MDGA2: variants seen among roughly 807,000 people sequenced by gnomAD.
MDGA2 encodes the protein MAM domain-containing glycosylphosphatidylinositol anchor protein 2.
MDGA2 carries 40 observed loss-of-function variants against 117.8 expected under a neutral mutation model. That is an observed-to-expected ratio of 0.34 (90% CI 0.26 to 0.44). MDGA2 has a LOEUF of 0.44. Ranked by LOEUF, MDGA2 falls within the 20% of genes least tolerant of loss-of-function variation. The probability of loss-of-function intolerance (pLI) is 1.00; values close to 1 mark genes in which losing one functional copy is unlikely to be tolerated. For synonymous variants in MDGA2, 452 were observed against 439.0 expected (o/e 1.03, Z -0.37); for missense variants, 1,123 against 1,250.6 (o/e 0.90, Z 1.54).
At chr14:47,011,877 AT>A (rs1594524768) in intron 8 of MDGA2, among the ~76,000 whole-genome samples, 1 of 152,014 alleles carries the variant, frequency 6.6e-6, no homozygotes, top group Non-Finnish European at 1.5e-5. Context: ...AATCGTATAC[AT>A]TTTTTCTCAG....
intron 8 of MDGA2, among the ~76,000 whole-genome samples, chr14:47,030,730 T>C (rs1007932398): frequency 6.6e-6 from 1 of 152,278 alleles, no homozygotes; most frequent in African/African-American, 2.4e-5. Context: ...ATGGACAAAA[T>C]TTTTTAATGT....
At chr14:47,623,479 A>T (rs1897086360) in intron 1 of MDGA2, among the ~76,000 whole-genome samples, 1 of 152,202 alleles carries the variant, frequency 6.6e-6, no homozygotes, top group Admixed American at 6.5e-5. Context: ...TATCTAATGC[A>T]GTACTGTCAG....
intron 1 of MDGA2, among the ~76,000 whole-genome samples, chr14:47,317,033 T>G (rs762371917): frequency 6.6e-6 from 1 of 152,124 alleles, no homozygotes; most frequent in Non-Finnish European, 1.5e-5. Flanking sequence ...TACCAGTACC[T>G]TAAAGTGGTG....
At chr14:47,595,161 T>C (rs1181442606) in intron 1 of MDGA2, among the ~76,000 whole-genome samples, 1 of 152,060 alleles carries the variant, frequency 6.6e-6, no homozygotes, top group Admixed American at 6.6e-5. Flanking sequence ...CTGTTGTATT[T>C]GGACATGGCA....
chr14:47,564,198 T>C (rs905363549), intron 1 of MDGA2, among the ~76,000 whole-genome samples: 23 of 152,210 alleles, frequency 1.5e-4, no homozygotes, highest in African/African-American at 5.5e-4. Flanking sequence ...TTTCTTTCAC[T>C]TTGACCTTGG....
At chr14:47,042,772 T>C (rs977950948) in intron 7 of MDGA2, among the ~76,000 whole-genome samples, 3 of 152,140 alleles carry the variant, frequency 2.0e-5, no homozygotes, top group Non-Finnish European at 2.9e-5. Flanking sequence ...GTATGCTTGT[T>C]GTAACTCCAC....
chr14:47,579,461 T>C (rs1896186803), intron 1 of MDGA2, among the ~76,000 whole-genome samples: 1 of 152,100 alleles, frequency 6.6e-6, no homozygotes, highest in Admixed American at 6.6e-5. Context: ...ATCTTCCCTT[T>C]TAATTGTATT....
chr14:47,158,361 TG>T (rs1555358936), intron 3 of MDGA2, among the ~76,000 whole-genome samples: 1 of 119,404 alleles, frequency 8.4e-6, no homozygotes, highest in Non-Finnish European at 1.8e-5. Context: ...ATCCCTGGGG[TG>T]GGTGTGTGTG....
intron 9 of MDGA2, among the ~76,000 whole-genome samples, chr14:46,927,082 C>T (rs1325373622): frequency 1.3e-5 from 2 of 152,084 alleles, no homozygotes; most frequent in African/African-American, 4.8e-5. Flanking sequence ...ATTTCATTAC[C>T]TCTTGAGATT....
At chr14:47,466,693 T>C (rs1000644929) in intron 1 of MDGA2, among the ~76,000 whole-genome samples, 1 of 152,114 alleles carries the variant, frequency 6.6e-6, no homozygotes, top group East Asian at 1.9e-4. Flanking sequence ...TATTTCAAAG[T>C]GAAGTCTACA....
intron 10 of MDGA2, among the ~76,000 whole-genome samples, chr14:46,900,327 TACTAC>T (rs1396366105): frequency 6.6e-6 from 1 of 152,138 alleles, no homozygotes; most frequent in Non-Finnish European, 1.5e-5. Context: ...AAGATGGACT[TACTAC>T]ACCACTCAGC....
chr14:47,109,112 G>C (rs1880898479), intron 5 of MDGA2, among the ~76,000 whole-genome samples: 1 of 152,138 alleles, frequency 6.6e-6, no homozygotes, highest in Non-Finnish European at 1.5e-5. Context: ...CCCATAGAGA[G>C]AAAAATCCAA....
At chr14:46,941,371 T>C (rs12894413) in intron 9 of MDGA2, among the ~76,000 whole-genome samples, 36,153 of 152,104 alleles carry the variant, frequency 0.24, 5,113 homozygotes, top group Non-Finnish European at 0.31. Flanking sequence ...TTTCTCAACT[T>C]AGAGCCCTGT....
At chr14:47,558,367 G>C (rs926572787) in intron 1 of MDGA2, among the ~76,000 whole-genome samples, 1 of 152,130 alleles carries the variant, frequency 6.6e-6, no homozygotes, top group Non-Finnish European at 1.5e-5. Context: ...TTTTAACCCA[G>C]CATCTGGAGG....
chr14:47,463,394 C>A (rs975808445), intron 1 of MDGA2, among the ~76,000 whole-genome samples: 1 of 151,942 alleles, frequency 6.6e-6, no homozygotes, highest in South Asian at 2.1e-4. Context: ...TGAGGGGTCA[C>A]AGACATACAA....
At position 47,506,209 on chromosome 14, in the gene MDGA2, G is replaced by A. The variant is rs560688412; in HGVS notation, c.280+168308C>T. ...GGATGTCAGAGAAGACATCCAAATGGGCTAACCAGTTTGAGCAAAGGCGCA... is the reference window on the plus strand; with the variant it reads ...GGATGTCAGAGAAGACATCCAAATGAGCTAACCAGTTTGAGCAAAGGCGCA... On this transcript the variant is annotated intron_variant, in intron 1 of 16. Coordinates refer to ENST00000399232, the MANE Select transcript of MDGA2 (RefSeq NM_001113498.3). Among the ~76,000 whole-genome samples, 35 of 152,010 alleles carry A rather than the reference G, an allele frequency of 2.3e-4. No individual in the cohort carries two copies. In the South Asian group the frequency reaches 6.5e-3, roughly 28 times the overall value.
At chr14:47,542,529 TTTTTA>T (rs1231859773) in intron 1 of MDGA2, among the ~76,000 whole-genome samples, 1 of 152,182 alleles carries the variant, frequency 6.6e-6, no homozygotes, top group Non-Finnish European at 1.5e-5. Flanking sequence ...GCTTTTTCAG[TTTTTA>T]TTTAATTTTA....
intron 1 of MDGA2, among the ~76,000 whole-genome samples, chr14:47,313,858 C>T (rs1005363991): frequency 6.6e-6 from 1 of 152,046 alleles, no homozygotes; most frequent in Non-Finnish European, 1.5e-5. Context: ...ATATACTTAA[C>T]TTTTGGTCCA....
intron 1 of MDGA2, among the ~76,000 whole-genome samples, chr14:47,528,327 G>A (rs1351995994): frequency 6.6e-6 from 1 of 152,142 alleles, no homozygotes; most frequent in African/African-American, 2.4e-5. Context: ...GAATAAAGCA[G>A]TACAAAACAA....
Sources: allele counts gnomAD v4.1 joint callset (sites outside exome capture counted in the v4.1 genomes callset), GRCh38; gene constraint gnomAD v4.1.1; transcripts MANE v1.5; gene names NCBI Gene and HGNC (gene_info 2026-07-23, HGNC 2026-07-21).